Variants in ELAPOR1 observed in about 807,000 individuals in gnomAD.
ELAPOR1 encodes the protein endosome-lysosome associated apoptosis and autophagy regulator 1.
ELAPOR1 carries 77 observed loss-of-function variants against 119.7 expected under a neutral mutation model. That is an observed-to-expected ratio of 0.64 (90% CI 0.54 to 0.78). The LOEUF (loss-of-function observed/expected upper bound fraction) is 0.78, where lower values mean the gene tolerates loss of function less well. Among genes scored for constraint, ELAPOR1 ranks in the 30% least tolerant of loss-of-function variants. The pLI, the probability that ELAPOR1 is intolerant of heterozygous loss-of-function variation, is 0.00. For synonymous variants in ELAPOR1, 481 were observed against 487.2 expected, an observed-to-expected ratio of 0.99 and a Z score of 0.17; for missense variants, 1,115 against 1,270.4, an observed-to-expected ratio of 0.88 and a Z score of 1.86.
intron 1 of ELAPOR1, among the ~76,000 whole-genome samples, chr1:109,130,144 C>G (rs935187884): frequency 1.3e-5 from 2 of 152,206 alleles, no homozygotes; most frequent in African/African-American, 4.8e-5. Context: ...TGGGCCCATC[C>G]TAATCCATTA....
chr1:109,136,941 G>A (rs536833046), intron 1 of ELAPOR1, among the ~76,000 whole-genome samples: 116 of 152,184 alleles, frequency 7.6e-4, no homozygotes, highest in Non-Finnish European at 1.4e-3. Flanking sequence ...TGTGATCTTT[G>A]CCCCATATCC....
At chr1:109,163,159 T>C (rs912141582) in intron 2 of ELAPOR1, among the ~76,000 whole-genome samples, 1 of 152,116 alleles carries the variant, frequency 6.6e-6, no homozygotes, top group Non-Finnish European at 1.5e-5. Context: ...AGTTTAGACG[T>C]GGATGAAGAG....
At position 109,169,398 on chromosome 1, in the gene ELAPOR1, C is replaced by G. The variant is rs558900279; in HGVS notation, c.468-2468C>G. On this transcript the variant is annotated intron_variant, in intron 3 of 21. Transcript: ENST00000369939. The stretch of plus-strand genomic sequence containing the variant: ...GGGATTACAGCCACGTGCCACAACA[C>G]CCAGCTAATTTTTGCATTTTTAGTA... Among the ~76,000 whole-genome samples, 9 of 152,154 alleles carry G rather than the reference C, an allele frequency of 5.9e-5. No individual in the cohort carries two copies. The South Asian group carries it at 1.9e-3, about 32-fold the overall frequency.
intron 7 of ELAPOR1, among the ~76,000 whole-genome samples, chr1:109,175,608 C>G (rs1398425625): frequency 6.7e-6 from 1 of 150,328 alleles, no homozygotes; most frequent in Non-Finnish European, 1.5e-5. Flanking sequence ...AGGCAGATCA[C>G]TTGAGGTCAG....
chr1:109,159,287 T>A (rs1205569954), intron 1 of ELAPOR1, among the ~76,000 whole-genome samples: 2 of 152,134 alleles, frequency 1.3e-5, no homozygotes, highest in Non-Finnish European at 2.9e-5. Flanking sequence ...TATCCCCAAG[T>A]GGCATGAAGT....
At chr1:109,144,054 T>TA (rs1553251774) in intron 1 of ELAPOR1, among the ~76,000 whole-genome samples, 1,364 of 25,948 alleles carry the variant, frequency 0.053, 37 homozygotes, top group East Asian at 0.12. Flanking sequence ...TATATATATA[T>TA]TTATATATTT....
intron 11 of ELAPOR1, among the ~76,000 whole-genome samples, chr1:109,189,883 C>T (rs964883305): frequency 2.0e-5 from 3 of 152,040 alleles, no homozygotes; most frequent in Non-Finnish European, 2.9e-5. Context: ...GTTGATTTAC[C>T]GACTGCTCTC....
intron 1 of ELAPOR1, among the ~76,000 whole-genome samples, chr1:109,121,087 A>C (rs1218636146): frequency 1.3e-5 from 2 of 152,214 alleles, no homozygotes; most frequent in Non-Finnish European, 2.9e-5. Context: ...TACAGTTTAC[A>C]AAATTTTGAA....
At chr1:109,185,228 A>G (rs1652974053) in intron 8 of ELAPOR1, 95 bp downstream of exon 8, 2 of 964,256 alleles carry the variant, frequency 2.1e-6, no homozygotes, top group African/African-American at 1.6e-5. Context: ...AGTCAATGAC[A>G]TTGGCACTAG....
intron 7 of ELAPOR1, among the ~76,000 whole-genome samples, chr1:109,182,119 CA>C (rs1652736113): frequency 6.6e-6 from 1 of 152,084 alleles, no homozygotes; most frequent in African/African-American, 2.4e-5. Flanking sequence ...ATCACGAGGT[CA>C]GGAGTTTGAA....
chr1:109,171,880 C>G lies in ELAPOR1; in HGVS notation c.482C>G (p.Pro161Arg). 1 of 1,614,226 alleles carries G rather than the reference C, an allele frequency of 6.2e-7. No homozygotes were observed. The highest frequency in any genetic ancestry group is 1.3e-5 in the African/African-American group (1 of 75,058). The change falls in exon 4 of 22, where the codon CCC becomes CGC. Residue 161 changes from proline to arginine, a missense_variant. Pro to Arg is a moderately radical substitution (Grantham distance 103). Transcript: ENST00000369939. ...TTCCTTCACAGGTCCAAGTGGGTTC[C>G]CCGGGGCGACTACATCGCCTCCAAC... is the stretch of plus-strand genomic sequence containing the variant. Reference protein sequence around the residue: ...TGNCTSSKWVPRGDYIASNTD... With the variant: ...TGNCTSSKWVRRGDYIASNTD...
intron 6 of ELAPOR1, 46 bp downstream of exon 6, chr1:109,173,625 G>C: frequency 6.2e-7 from 1 of 1,613,160 alleles, no homozygotes; most frequent in Non-Finnish European, 8.5e-7. Context: ...TGACTTTGCA[G>C]TCTCCTGGGG....
chr1:109,180,269 C>G (rs1385982318), intron 7 of ELAPOR1, among the ~76,000 whole-genome samples: 1 of 152,174 alleles, frequency 6.6e-6, no homozygotes, highest in African/African-American at 2.4e-5. Flanking sequence ...TACTAGGGCT[C>G]AAATCCCTGC....
chr1:109,138,517 T>G (rs139326909), intron 1 of ELAPOR1, among the ~76,000 whole-genome samples: 4 of 151,006 alleles, frequency 2.6e-5, no homozygotes, highest in African/African-American at 9.7e-5. Context: ...GAGGCCTAGA[T>G]AAAATGTCAA....
chr1:109,135,029 C>A (rs777338141), intron 1 of ELAPOR1, among the ~76,000 whole-genome samples: 3 of 152,258 alleles, frequency 2.0e-5, no homozygotes, highest in Non-Finnish European at 4.4e-5. Context: ...CTGGCAACTA[C>A]GCAGGTGACT....
At chr1:109,173,097 C>CAAA (rs58149393) in intron 5 of ELAPOR1, among the ~76,000 whole-genome samples, 4 of 91,890 alleles carry the variant, frequency 4.4e-5, no homozygotes, top group South Asian at 3.7e-4. Context: ...AACTCTGTCT[C>CAAA]AAAAAAAAAA....
At chr1:109,146,742 A>G (rs1297738781) in intron 1 of ELAPOR1, among the ~76,000 whole-genome samples, 1 of 152,082 alleles carries the variant, frequency 6.6e-6, no homozygotes, top group African/African-American at 2.4e-5. Flanking sequence ...AACTAATATT[A>G]TTACTATTAT....
At chr1:109,184,021 C>T (rs1287432586) in intron 7 of ELAPOR1, among the ~76,000 whole-genome samples, 1 of 152,016 alleles carries the variant, frequency 6.6e-6, no homozygotes, top group Non-Finnish European at 1.5e-5. Flanking sequence ...TGTACCACTG[C>T]AGTCCAGCCT....
At chr1:109,159,540 C>T (rs1291964614) in intron 1 of ELAPOR1, among the ~76,000 whole-genome samples, 1 of 152,190 alleles carries the variant, frequency 6.6e-6, no homozygotes, top group Non-Finnish European at 1.5e-5. Flanking sequence ...TGGCACACAA[C>T]CAACACTGTC....
Sources: allele counts gnomAD v4.1 joint callset (sites outside exome capture counted in the v4.1 genomes callset), GRCh38; gene constraint gnomAD v4.1.1; transcripts MANE v1.5; gene names NCBI Gene and HGNC (gene_info 2026-07-23, HGNC 2026-07-21).